RNF213: variants seen among roughly 807,000 people sequenced by gnomAD.
RNF213 encodes E3 ubiquitin-protein ligase RNF213.
Under a neutral mutation model 514.4 loss-of-function variants are expected in RNF213, and 341 were observed. That is an observed-to-expected ratio of 0.66 (90% CI 0.61 to 0.73). The LOEUF is 0.73. Among genes scored for constraint, RNF213 ranks in the 30% least tolerant of loss-of-function variants. The pLI, the probability that RNF213 is intolerant of heterozygous loss-of-function variation, is 0.00. For missense variants in RNF213, 5,767 were observed against 6,615.6 expected, an observed-to-expected ratio of 0.87 and a Z score of 4.45; for synonymous variants, 2,655 against 2,658.2, an observed-to-expected ratio of 1.00 and a Z score of 0.04.
intron 3 of RNF213, among the ~76,000 whole-genome samples, chr17:80,286,513 C>T (rs947650468): frequency 6.6e-6 from 1 of 152,094 alleles, no homozygotes; most frequent in African/African-American, 2.4e-5. Context: ...GCAGCCTCCT[C>T]CTTGGGCCAC....
chr17:80,371,794 CGATA>C (rs779445924), intron 46 of RNF213, 76 bp from the exon 47 acceptor site: 57 of 758,830 alleles, frequency 7.5e-5, no homozygotes, highest in Non-Finnish European at 8.2e-5. Flanking sequence ...GACAGACGAC[CGATA>C]GATAGATGCT....
intron 63 of RNF213, 34 bp downstream of exon 63, chr17:80,386,925 G>A: frequency 3.8e-6 from 6 of 1,581,822 alleles, no homozygotes; most frequent in Non-Finnish European, 5.2e-6. Context: ...TGCTCATTTG[G>A]TGTGTCTGTT....
chr17:80,367,658 G>A lies in RNF213; in HGVS notation c.11872-90G>A, dbSNP rs578201145. 9 of 947,274 alleles carry A rather than the reference G, an allele frequency of 9.5e-6. No homozygotes were observed. The East Asian group carries it at 2.2e-4, about 23-fold the overall frequency. 58.7% of individuals were successfully genotyped at this position (947,274 alleles called of 1,614,324 possible). On this transcript the variant is annotated intron_variant, in intron 42 of 67. Transcript: ENST00000582970. ...CACCCCACACACACGGCGCAGCCTT[G>A]GCCCTGAATGTGGTGCTCCCTCTGT... is the stretch of plus-strand genomic sequence containing the variant.
At chr17:80,296,373 C>T (rs572181277) in intron 10 of RNF213, among the ~76,000 whole-genome samples, 74 of 152,290 alleles carry the variant, frequency 4.9e-4, no homozygotes, top group Non-Finnish European at 7.6e-4. Flanking sequence ...CCTCTGTGTG[C>T]GCGTGTTTAG....
rs1194536557 is a variant in RNF213 at position 80,339,467 on chromosome 17, C to T, written c.5100C>T (p.Tyr1700=). 3.3e-6 allele frequency: 5 copies of T among 1,537,140 alleles called. No individual in the cohort carries two copies. Among genetic ancestry groups the T allele is most frequent in the Non-Finnish European group, 4.4e-6 (5 of 1,146,934 alleles). The change falls in exon 26 of 68, where the codon TAC becomes TAT. Residue 1700 remains tyrosine (Y), a synonymous_variant. Transcript: ENST00000582970. ...CCCAGAAGCGAATGGAGCACTTTTA[C>T]CTGAACTTCTACACGGCAGAGCAGC... ...FVTQKRMEHF[Y]LNFYTAEQLV...
At chr17:80,297,017 C>T (rs1180320200) in intron 10 of RNF213, among the ~76,000 whole-genome samples, 1 of 151,912 alleles carries the variant, frequency 6.6e-6, no homozygotes, top group Non-Finnish European at 1.5e-5. Context: ...AAACGCCGCA[C>T]ATTTTGACAA....
In RNF213 at chr17:80,261,535, G is replaced by A. The variant is rs149154359; in HGVS notation, c.-109+633G>A. ...GGGGAAGGAGCTGTGCAAACATGGT[G>A]GTGGCCCTTCCCTGCCCCCACCTTG... On this transcript the variant is annotated intron_variant, in intron 1 of 67. Coordinates refer to ENST00000582970, the MANE Select transcript of RNF213 (RefSeq NM_001256071.3). Among the ~76,000 whole-genome samples, 100 of 152,350 alleles carry A rather than the reference G, an allele frequency of 6.6e-4. 2 individuals carry two copies. The East Asian group carries it at 0.018, about 28-fold the overall frequency.
intron 20 of RNF213, among the ~76,000 whole-genome samples, chr17:80,330,348 A>G (rs1186067787): frequency 1.3e-5 from 2 of 152,192 alleles, no homozygotes; most frequent in South Asian, 4.1e-4. Flanking sequence ...GAAAGCCCTC[A>G]CAAGTGGGTT....
chr17:80,346,231 G>C lies in RNF213; in HGVS notation c.7896G>C (p.Glu2632Asp). The change falls in exon 29 of 68, where the codon GAG (glutamate) becomes GAC (aspartate). Residue 2632 changes from glutamate (E) to aspartate (D), a missense_variant. Glu to Asp is a conservative substitution (Grantham distance 45, BLOSUM62 2). This residue lies in a region of RNF213 where 1,377 missense variants were observed against 1,635.2 expected (regional missense o/e 0.84). Coordinates refer to ENST00000582970, the MANE Select transcript of RNF213 (RefSeq NM_001256071.3). The surrounding 1 kb of genome is among the most constrained non-coding windows in gnomAD (Gnocchi z 8.1). ...GTTTCATGAGGAAAACAGAAGATGA[G>C]TGCAGCTTTGTCAGCCTCAGGGACG... ...SQGFMRKTEDECSFVSLRDVE... is the reference protein window; with the variant it reads ...SQGFMRKTEDDCSFVSLRDVE... The C allele has an allele frequency of 6.2e-7, 1 of 1,614,182 alleles. No individual in the cohort carries two copies. Among genetic ancestry groups the C allele is most frequent in the Non-Finnish European group, 8.5e-7 (1 of 1,180,040 alleles).
At chr17:80,292,113 CAG>C in intron 8 of RNF213, 1 of 470,000 alleles carries the variant, frequency 2.1e-6, no homozygotes, top group South Asian at 2.0e-5. Context: ...TTTTCTGAGA[CAG>C]AGTCTGTCGC....
intron 62 of RNF213, 33 bp downstream of exon 62, chr17:80,386,463 G>C (rs1344438937): frequency 6.2e-7 from 1 of 1,610,028 alleles, no homozygotes; most frequent in Non-Finnish European, 8.5e-7. Flanking sequence ...AGTGGTGCCT[G>C]CTCAGCCCAG....
intron 42 of RNF213, among the ~76,000 whole-genome samples, chr17:80,365,561 C>T (rs752883030): frequency 7.9e-5 from 12 of 151,790 alleles, no homozygotes; most frequent in South Asian, 2.1e-4. Context: ...ATCCCGGACA[C>T]GCACACGCCA....
rs748443523 is a variant in RNF213, at chr17:80,393,518, T to G, written c.*20T>G. 1 of 1,613,018 alleles carries G rather than the reference T, an allele frequency of 6.2e-7. No individual in the cohort carries two copies. The highest frequency in any genetic ancestry group is 1.1e-5 in the South Asian group (1 of 91,032). ...AGATAGAATTATTTCCTCAGCTATC[T>G]TTGGATGACTTTGGAGAGAAGACTC... On this transcript the variant is annotated 3_prime_UTR_variant, in exon 68 of 68. Coordinates refer to ENST00000582970, the MANE Select transcript of RNF213 (RefSeq NM_001256071.3).
At chr17:80,324,724 T>C (rs1599026238) in intron 17 of RNF213, among the ~76,000 whole-genome samples, 1 of 152,018 alleles carries the variant, frequency 6.6e-6, no homozygotes, top group Non-Finnish European at 1.5e-5. Flanking sequence ...TTTCATGATA[T>C]GAAAGTCCAA....
In RNF213 at chr17:80,377,096, G is replaced by T; in HGVS notation, c.13510+133G>T. 1.4e-6 allele frequency: 1 copy of T among 705,734 alleles called. No individual in the cohort carries two copies. The allele number at this position is 705,734 out of a possible 1,614,324, so 43.7% of individuals were successfully genotyped here. ...GGTCCAAAACCACCTGCATTCTACCGGTGGCGTCTGCAGAAGACGAATGGC... is the reference window on the plus strand; with the variant it reads ...GGTCCAAAACCACCTGCATTCTACCTGTGGCGTCTGCAGAAGACGAATGGC... On this transcript the variant is annotated intron_variant, in intron 53 of 67. Coordinates refer to ENST00000582970, the MANE Select transcript of RNF213 (RefSeq NM_001256071.3). This position sits in a 1 kb window ranked among gnomAD's most constrained non-coding sequence, Gnocchi z 4.1.
intron 11 of RNF213, 128 bp downstream of exon 11, chr17:80,298,646 CTT>C (rs140780402): frequency 0.031 from 30,494 of 989,222 alleles, 603 homozygotes; most frequent in Middle Eastern, 0.061. Flanking sequence ...AACACACGCT[CTT>C]TTAACATTTT....
Position 80,346,652 on chromosome 17 carries a change from A to G in RNF213, c.8317A>G (p.Ser2773Gly). The G allele has an allele frequency of 3.1e-6, 5 of 1,612,176 alleles. No individual in the cohort carries two copies. Among genetic ancestry groups the G allele is most frequent in the Non-Finnish European group, 4.2e-6 (5 of 1,180,026 alleles). ...CCTCTTCCTGGTGGGGAAGCCCGGC[A>G]GCTCCAAGTCTCTCGCCAAGACCAT... ...IPLFLVGKPG[S>G]SKSLAKTIVA... Residue 2773 changes from serine (S) to glycine (G), a missense_variant, in exon 29 of 68, where the codon AGC (serine) becomes GGC (glycine). Coordinates refer to ENST00000582970, the MANE Select transcript of RNF213 (RefSeq NM_001256071.3). The surrounding 1 kb of genome is among the most constrained non-coding windows in gnomAD (Gnocchi z 8.1).
rs1157110428 is a variant in RNF213 at position 80,353,539 on chromosome 17, G to A, written c.10451G>A (p.Gly3484Asp). The A allele has an allele frequency of 1.2e-6, 2 of 1,613,098 alleles. No homozygotes were observed. Among genetic ancestry groups the A allele is most frequent in the Admixed American group, 3.3e-5 (2 of 59,776 alleles). ...ELGLEHRAED[G>D]HEEAMETEAS... ...GGCTTGGAACACCGGGCGGAAGACG[G>A]CCATGAGGAGGCGATGGAGACGGAG... Residue 3484 changes from glycine to aspartate, a missense_variant, in exon 34 of 68, where the codon GGC becomes GAC. Coordinates refer to ENST00000582970, the MANE Select transcript of RNF213 (RefSeq NM_001256071.3). The surrounding 1 kb of genome is among the most constrained non-coding windows in gnomAD (Gnocchi z 5.0).
chr17:80,376,560 A>G lies in RNF213; in HGVS notation c.13428+17A>G, dbSNP rs371517262. 144 of 1,613,694 alleles carry G rather than the reference A, an allele frequency of 8.9e-5. No individual in the cohort carries two copies. Among genetic ancestry groups the G allele is most frequent in the Non-Finnish European group, 1.2e-4 (140 of 1,180,018 alleles). On this transcript the variant is annotated intron_variant, in intron 52 of 67. Coordinates refer to ENST00000582970, the MANE Select transcript of RNF213 (RefSeq NM_001256071.3). ...ACCATGGCGGTAAGAGTAGGCCACAATTCCATCGGCCTTCACTGGAACACC... is the reference window on the plus strand; with the variant it reads ...ACCATGGCGGTAAGAGTAGGCCACAGTTCCATCGGCCTTCACTGGAACACC...
Sources: allele counts gnomAD v4.1 joint callset (sites outside exome capture counted in the v4.1 genomes callset), GRCh38; gene constraint gnomAD v4.1.1; regional missense constraint gnomAD v4.1.1; non-coding constraint Gnocchi (gnomAD v3.1); transcripts MANE v1.5; gene names NCBI Gene and HGNC (gene_info 2026-07-23, HGNC 2026-07-21).